The following PDZRN3 variants were observed in gnomAD, a reference collection of about 807,000 sequenced individuals.
PDZRN3 encodes PDZ domain containing ring finger 3, also known as E3 ubiquitin-protein ligase PDZRN3.
A neutral mutation model predicts 85.7 loss-of-function variants in PDZRN3; 38 were observed. The observed-to-expected ratio is 0.44, with a 90% CI of 0.34 to 0.58. The LOEUF (loss-of-function observed/expected upper bound fraction) is 0.58. PDZRN3 is among the 20% of genes least tolerant of loss of function. The probability of loss-of-function intolerance (pLI) is 0.01; values close to 1 mark genes in which losing one functional copy is unlikely to be tolerated. For synonymous variants in PDZRN3, 759 were observed against 638.0 expected, an observed-to-expected ratio of 1.19 and a Z score of -2.86; for missense variants, 1,629 against 1,506.4, an observed-to-expected ratio of 1.08 and a Z score of -1.35.
chr3:73,392,764 G>C (rs962584897), intron 5 of PDZRN3, among the ~76,000 whole-genome samples: 2 of 152,114 alleles, frequency 1.3e-5, no homozygotes, highest in Non-Finnish European at 2.9e-5. Context: ...CCTAATTATA[G>C]CTCTAGCAAT....
rs1427113494 is a variant in PDZRN3, at chr3:73,384,811, C to T, written c.1755G>A (p.Glu585=). 6.2e-7 allele frequency: 1 copy of T among 1,614,110 alleles called. No homozygotes were observed. The highest frequency in any genetic ancestry group is 8.5e-7 in the Non-Finnish European group (1 of 1,180,044). ...DESTRNDESS[E]QENNGDDATA... The stretch of plus-strand genomic sequence containing the variant: ...TGGCGTCGTCGCCATTGTTCTCTTG[C>T]TCCGAGCTCTCGTCATTACGGGTGC... The change falls in exon 10 of 10, where the codon GAG becomes GAA. Residue 585 remains glutamate, a synonymous_variant. Transcript: ENST00000263666.
In PDZRN3 at chr3:73,622,227, G is replaced by A. The variant is rs751583821; in HGVS notation, c.723+1876C>T. Reference sequence around the variant, plus strand: ...GTGGAGCTGTAAATATTTGCCCTTCGCCCAGAGCTGGCCAGCTGCTGAGAC... The same window carrying A: ...GTGGAGCTGTAAATATTTGCCCTTCACCCAGAGCTGGCCAGCTGCTGAGAC... On this transcript the variant is annotated intron_variant, in intron 1 of 9. Coordinates refer to ENST00000263666, the MANE Select transcript of PDZRN3 (RefSeq NM_015009.3). 5.3e-5 allele frequency among the ~76,000 whole-genome samples: 8 copies of A among 152,220 alleles called. No homozygotes were observed. In the East Asian group the frequency reaches 1.2e-3, roughly 22 times the overall value.
At chr3:73,482,980 T>C (rs1371131121) in intron 3 of PDZRN3, among the ~76,000 whole-genome samples, 1 of 152,208 alleles carries the variant, frequency 6.6e-6, no homozygotes, top group Non-Finnish European at 1.5e-5. Context: ...ATGGTACTTA[T>C]TTTACCGTAA....
chr3:73,562,952 C>T (rs77423155), intron 3 of PDZRN3, among the ~76,000 whole-genome samples: 7,281 of 120,682 alleles, frequency 0.06, 323 homozygotes, highest in Non-Finnish European at 0.089. Flanking sequence ...TCTGGTGGTA[C>T]TTATTTAACC....
In PDZRN3 at chr3:73,523,140, G is replaced by C. The variant is rs867262771; in HGVS notation, c.918+79214C>G. Among the ~76,000 whole-genome samples, 6 of 152,090 alleles carry C rather than the reference G, an allele frequency of 3.9e-5. No individual in the cohort carries two copies. The Middle Eastern group carries it at 0.01, about 259-fold the overall frequency. On this transcript the variant is annotated intron_variant, in intron 3 of 9. Coordinates refer to ENST00000263666, the MANE Select transcript of PDZRN3 (RefSeq NM_015009.3). ...CTGGTTGAAGTGATCCTCCTGCCTC[G>C]GCCTCCTGAGTAGCTGCTCAGGACT... is the stretch of plus-strand genomic sequence containing the variant.
chr3:73,616,295 T>G (rs924259943), intron 1 of PDZRN3, among the ~76,000 whole-genome samples: 10 of 148,880 alleles, frequency 6.7e-5, no homozygotes, highest in African/African-American at 2.5e-4. Flanking sequence ...CTCAGGTATT[T>G]CTTCATGTCA....
At chr3:73,587,239 G>A (rs138909468) in intron 3 of PDZRN3, among the ~76,000 whole-genome samples, 71 of 152,304 alleles carry the variant, frequency 4.7e-4, no homozygotes, top group African/African-American at 1.5e-3. Flanking sequence ...AGACTACACC[G>A]TATGCAGTAA....
Position 73,565,675 on chromosome 3 carries a change from C to T in PDZRN3, c.918+36679G>A, listed in dbSNP as rs566622760. ...TTCAGGGGCCGGGCGCGGTGACTCACGCCTGTAATCCCAGCACTTTGGGAG... is the reference window on the plus strand; with the variant it reads ...TTCAGGGGCCGGGCGCGGTGACTCATGCCTGTAATCCCAGCACTTTGGGAG... On this transcript the variant is annotated intron_variant, in intron 3 of 9. Coordinates refer to ENST00000263666, the MANE Select transcript of PDZRN3 (RefSeq NM_015009.3). Among the ~76,000 whole-genome samples the T allele has an allele frequency of 8.3e-4, 126 of 152,150 alleles. 1 individual carries two copies. The highest frequency in any genetic ancestry group is 2.6e-3 in the African/African-American group (109 of 41,516).
intron 4 of PDZRN3, 33 bp from the exon 5 acceptor site, chr3:73,401,042 C>A (rs1014662528): frequency 6.7e-7 from 1 of 1,482,740 alleles, no homozygotes; most frequent in Non-Finnish European, 9.4e-7. Context: ...TACAGCCCTT[C>A]TTCCGTTGTC....
At chr3:73,593,709 TACACACACACACACACACAC>T (rs57922621) in intron 3 of PDZRN3, among the ~76,000 whole-genome samples, 92 of 141,934 alleles carry the variant, frequency 6.5e-4, no homozygotes, top group African/African-American at 2.0e-3. Flanking sequence ...GAAATAAATA[TACACACACACACACACACAC>T]ACACACACAC....
At chr3:73,459,015 A>G (rs1305448383) in intron 3 of PDZRN3, among the ~76,000 whole-genome samples, 2 of 151,960 alleles carry the variant, frequency 1.3e-5, no homozygotes, top group African/African-American at 4.8e-5. Flanking sequence ...AAAAGAAAAA[A>G]AAGAAAAAAG....
At chr3:73,532,176 AT>A (rs112895986) in intron 3 of PDZRN3, among the ~76,000 whole-genome samples, 18 of 147,670 alleles carry the variant, frequency 1.2e-4, no homozygotes, top group South Asian at 4.3e-4. Context: ...GATTTTCTGT[AT>A]TTTTTTTTTA....
rs762476129 is a variant in PDZRN3, at chr3:73,384,295, G to C, written c.2271C>G (p.Ala757=). 1.5e-5 allele frequency: 24 copies of C among 1,612,752 alleles called. No individual in the cohort carries two copies. The African/African-American group carries it at 1.6e-4, about 11-fold the overall frequency. ...PEKSDKDSSS[A]YNTGESCRST... is the part of the protein sequence containing the mutation. ...TGCGGCAGCTCTCGCCTGTGTTGTA[G>C]GCGCTCGAGCTGTCCTTGTCGGATT... is the stretch of plus-strand genomic sequence containing the variant. Residue 757 remains alanine (A), a synonymous_variant, in exon 10 of 10, where the codon GCC becomes GCG. Coordinates refer to ENST00000263666, the MANE Select transcript of PDZRN3 (RefSeq NM_015009.3).
chr3:73,503,964 G>C (rs1265303580), intron 3 of PDZRN3, among the ~76,000 whole-genome samples: 2 of 152,180 alleles, frequency 1.3e-5, no homozygotes, highest in African/African-American at 2.4e-5. Context: ...CAGCGAAACA[G>C]AAACCCAGCC....
intron 3 of PDZRN3, chr3:73,433,891 C>T (rs866346604): frequency 1.4e-6 from 2 of 1,431,844 alleles, no homozygotes; most frequent in Non-Finnish European, 9.1e-7. Flanking sequence ...CCACGCTTCC[C>T]TTCCTCCCCT....
intron 3 of PDZRN3, among the ~76,000 whole-genome samples, chr3:73,506,435 C>A (rs111499738): frequency 1.3e-5 from 2 of 152,214 alleles, no homozygotes; most frequent in African/African-American, 2.4e-5. Flanking sequence ...AACAGCCCAG[C>A]CCAGTAACAG....
chr3:73,510,875 G>A (rs746231131), intron 3 of PDZRN3, among the ~76,000 whole-genome samples: 5 of 152,140 alleles, frequency 3.3e-5, no homozygotes, highest in Admixed American at 2.6e-4. Context: ...ATATATGCAT[G>A]TGGTCTCTTT....
In PDZRN3 at chr3:73,383,379, C is replaced by A. The variant is rs1394798042; in HGVS notation, c.3187G>T (p.Val1063Leu). ...AGAAGTGAAAATTATACAGTAGTCA[C>A]CGATAGGAAGGAATTGTATACTCTA... ...GTRVYNSFLS[V>L]TTV Residue 1063 changes from valine to leucine, a missense_variant, in exon 10 of 10, where the codon GTG becomes TTG. By Grantham distance (32) the Val-to-Leu change is conservative. Coordinates refer to ENST00000263666, the MANE Select transcript of PDZRN3 (RefSeq NM_015009.3). 6.2e-7 allele frequency: 1 copy of A among 1,608,770 alleles called. No homozygotes were observed. The highest frequency in any genetic ancestry group is 2.2e-5 in the East Asian group (1 of 44,860).
At chr3:73,408,588 A>AG (rs60679218) in intron 3 of PDZRN3, among the ~76,000 whole-genome samples, 5,971 of 146,204 alleles carry the variant, frequency 0.041, 140 homozygotes, top group Middle Eastern at 0.056. Flanking sequence ...TTCTTGGAGG[A>AG]GGGGGGGGGG....
Sources: allele counts gnomAD v4.1 joint callset (sites outside exome capture counted in the v4.1 genomes callset), GRCh38; gene constraint gnomAD v4.1.1; transcripts MANE v1.5; gene names NCBI Gene and HGNC (gene_info 2026-07-23, HGNC 2026-07-21).